CELF4: variants seen among roughly 807,000 people sequenced by gnomAD.
The protein encoded by CELF4 is CUGBP Elav-like family member 4, also known as CUG-BP- and ETR-3-like factor 4.
CELF4 carries 18 observed loss-of-function variants against 59.9 expected under a neutral mutation model. The observed-to-expected ratio is 0.30, with a 90% CI of 0.21 to 0.45. CELF4 has a LOEUF of 0.45. Ranked by LOEUF, CELF4 falls within the 20% of genes least tolerant of loss-of-function variation. The pLI, the probability that CELF4 is intolerant of heterozygous loss-of-function variation, is 1.00. For missense variants in CELF4, 456 were observed against 689.0 expected, an observed-to-expected ratio of 0.66 and a Z score of 3.79; for synonymous variants, 261 against 267.1, an observed-to-expected ratio of 0.98 and a Z score of 0.22.
intron 2 of CELF4, among the ~76,000 whole-genome samples, chr18:37,369,096 G>C (rs544327632): frequency 6.6e-6 from 1 of 152,270 alleles, no homozygotes; most frequent in Non-Finnish European, 1.5e-5. Flanking sequence ...GCTTCCCCAG[G>C]GAGATGGAAA....
intron 2 of CELF4, among the ~76,000 whole-genome samples, chr18:37,431,454 G>A (rs990029452): frequency 2.6e-4 from 34 of 132,600 alleles, no homozygotes; most frequent in Non-Finnish European, 4.6e-4. Flanking sequence ...TGCAAGCTCC[G>A]CCTCCCAGGT....
chr18:37,326,375 C>A lies in CELF4; in HGVS notation c.370-4494G>T, dbSNP rs190349953. On this transcript the variant is annotated intron_variant, in intron 2 of 12. Coordinates refer to ENST00000420428, the MANE Select transcript of CELF4 (RefSeq NM_020180.4). ...CAGGACCCCTTTGGTGCTTTTCCTG[C>A]CCCCGTCTCTGCTCCTCTGTCAGCT... Among the ~76,000 whole-genome samples the A allele has an allele frequency of 2.0e-5, 3 of 152,288 alleles. No homozygotes were observed. The East Asian group carries it at 5.8e-4, about 29-fold the overall frequency.
chr18:37,401,388 G>A (rs1414615153), intron 2 of CELF4, among the ~76,000 whole-genome samples: 1 of 152,224 alleles, frequency 6.6e-6, no homozygotes, highest in Non-Finnish European at 1.5e-5. Flanking sequence ...GAGCAACACT[G>A]CTTCATGGAA....
chr18:37,530,948 C>T (rs2099968989), intron 1 of CELF4, among the ~76,000 whole-genome samples: 3 of 150,136 alleles, frequency 2.0e-5, no homozygotes, highest in Admixed American at 6.6e-5. Flanking sequence ...GTCGTGGAAC[C>T]CTGATGCTGC....
chr18:37,368,373 G>A (rs935007457), intron 2 of CELF4, among the ~76,000 whole-genome samples: 2 of 152,074 alleles, frequency 1.3e-5, no homozygotes, highest in Non-Finnish European at 2.9e-5. Context: ...CTTGTTGCCT[G>A]TCAGCCCTCC....
chr18:37,296,805 G>C (rs1234727847), intron 3 of CELF4, among the ~76,000 whole-genome samples: 1 of 152,196 alleles, frequency 6.6e-6, no homozygotes, highest in East Asian at 1.9e-4. Flanking sequence ...GTTTCCTAAA[G>C]GAAGCTGTTG....
intron 2 of CELF4, among the ~76,000 whole-genome samples, chr18:37,335,626 C>T (rs987191609): frequency 1.3e-4 from 20 of 151,824 alleles, no homozygotes; most frequent in African/African-American, 4.6e-4. Flanking sequence ...CTCTCTAGCT[C>T]TCCTCTGAAT....
At chr18:37,346,032 T>G (rs1363504438) in intron 2 of CELF4, among the ~76,000 whole-genome samples, 1 of 152,196 alleles carries the variant, frequency 6.6e-6, no homozygotes, top group Non-Finnish European at 1.5e-5. Flanking sequence ...TTACTCCAAA[T>G]GGCGCCCTCC....
intron 1 of CELF4, among the ~76,000 whole-genome samples, chr18:37,511,230 A>G (rs921936313): frequency 6.6e-6 from 1 of 152,196 alleles, no homozygotes; most frequent in Non-Finnish European, 1.5e-5. Context: ...TGCCACAGGT[A>G]TGCATCAGCT....
intron 12 of CELF4, among the ~76,000 whole-genome samples, chr18:37,251,791 C>T (rs1021888620): frequency 6.6e-5 from 10 of 152,310 alleles, no homozygotes; most frequent in South Asian, 2.1e-4. Context: ...AGAAGCTCCT[C>T]GAGGGCAGGG....
At chr18:37,453,635 G>A (rs935044522) in intron 2 of CELF4, among the ~76,000 whole-genome samples, 1 of 152,194 alleles carries the variant, frequency 6.6e-6, no homozygotes, top group African/African-American at 2.4e-5. Context: ...GCAATGGCAA[G>A]GAGGTGGGAC....
chr18:37,332,381 C>A (rs1032698764), intron 2 of CELF4, among the ~76,000 whole-genome samples: 37 of 152,182 alleles, frequency 2.4e-4, no homozygotes, highest in African/African-American at 8.7e-4. Flanking sequence ...TATGCCCGGG[C>A]AGTTGCTATG....
chr18:37,549,904 G>A (rs2099982605), intron 1 of CELF4, among the ~76,000 whole-genome samples: 1 of 152,056 alleles, frequency 6.6e-6, no homozygotes, highest in Non-Finnish European at 1.5e-5. Context: ...AATATCTTAT[G>A]ACATATCATA....
At chr18:37,407,122 T>C (rs890506248) in intron 2 of CELF4, among the ~76,000 whole-genome samples, 6 of 152,194 alleles carry the variant, frequency 3.9e-5, no homozygotes, top group African/African-American at 1.4e-4. Flanking sequence ...CCTTACATCT[T>C]TGTGCCTCAC....
At chr18:37,516,808 G>C (rs1230051913) in intron 1 of CELF4, among the ~76,000 whole-genome samples, 1 of 152,194 alleles carries the variant, frequency 6.6e-6, no homozygotes, top group East Asian at 1.9e-4. Context: ...GCTGGCATGG[G>C]GCGCTGGCTC....
chr18:37,558,529 T>C (rs2099985552), intron 1 of CELF4, among the ~76,000 whole-genome samples: 1 of 110,880 alleles, frequency 9.0e-6, no homozygotes, highest in Admixed American at 1.4e-4. Context: ...AGAGGAAGGA[T>C]GATGAAAGGG....
rs548832065 is a variant in CELF4 at position 37,270,220 on chromosome 18, G to T, written c.1099+548C>A. Among the ~76,000 whole-genome samples the T allele has an allele frequency of 9.2e-5, 14 of 152,336 alleles. No homozygotes were observed. The East Asian group carries it at 2.3e-3, about 25-fold the overall frequency. On this transcript the variant is annotated intron_variant, in intron 8 of 12. Transcript: ENST00000420428. ...AAATAGTCTAGGAGCTGTCCAAGGT[G>T]CTGGGCTGTCTGTGGTGCTGACCTG...
At chr18:37,428,795 G>A (rs1288210921) in intron 2 of CELF4, among the ~76,000 whole-genome samples, 1 of 152,158 alleles carries the variant, frequency 6.6e-6, no homozygotes, top group Non-Finnish European at 1.5e-5. Flanking sequence ...AGGAGGAAGT[G>A]TGCCTGATCC....
At position 37,245,748 on chromosome 18, in the gene CELF4, G is replaced by GTA. The variant is rs1439750642; in HGVS notation, c.*45-553_*45-552dup. Among the ~76,000 whole-genome samples, 22 of 152,212 alleles carry GTA rather than the reference G, an allele frequency of 1.4e-4. No homozygotes were observed. The highest frequency in any genetic ancestry group is 9.6e-4 in the East Asian group (5 of 5,182). On this transcript the variant is annotated intron_variant, in intron 12 of 12. Transcript: ENST00000420428. The surrounding 1 kb of genome is among the most constrained non-coding windows in gnomAD (Gnocchi z 4.1). ...GGTCAGTAACTATTTGCGAGGCTGTGTATATATATGTATATCTGGATATAT... is the reference window on the plus strand; with the variant it reads ...GGTCAGTAACTATTTGCGAGGCTGTGTATATATATATGTATATCTGGATATAT...
Sources: allele counts gnomAD v4.1 joint callset (sites outside exome capture counted in the v4.1 genomes callset), GRCh38; gene constraint gnomAD v4.1.1; non-coding constraint Gnocchi (gnomAD v3.1); transcripts MANE v1.5; gene names NCBI Gene and HGNC (gene_info 2026-07-23, HGNC 2026-07-21).